CTPS1: variants seen among roughly 807,000 people sequenced by gnomAD.
CTPS1 encodes the protein CTP synthase 1, also known as CTP synthetase 1.
In CTPS1, 25 loss-of-function variants were observed where a neutral mutation model predicts 80.5. The ratio of observed to expected loss-of-function variants is 0.31; its 90% CI spans 0.23 to 0.43. The LOEUF is 0.43. Ranked by LOEUF, CTPS1 falls within the 20% of genes least tolerant of loss-of-function variation. CTPS1 has a pLI of 1.00. For synonymous variants in CTPS1, 267 were observed against 252.5 expected, an observed-to-expected ratio of 1.06 and a Z score of -0.54; for missense variants, 442 against 725.7, an observed-to-expected ratio of 0.61 and a Z score of 4.49.
rs981555227 is a variant in CTPS1 at position 41,007,713 on chromosome 1, A to G, written c.1393+168A>G. 6.6e-6 allele frequency among the ~76,000 whole-genome samples: 1 copy of G among 152,216 alleles called. No homozygotes were observed. The highest frequency in any genetic ancestry group is 6.5e-5 in the Admixed American group (1 of 15,276). On this transcript the variant is annotated intron_variant, in intron 14 of 18. Coordinates refer to ENST00000650070, the MANE Select transcript of CTPS1 (RefSeq NM_001905.4). The surrounding 1 kb of genome is among the most constrained non-coding windows in gnomAD (Gnocchi z 4.4). ...TCATACCCTTTTAGGATGCACTGTG[A>G]TAGCCATAGAAGCAGTGTGGGTCTT...
chr1:40,995,227 T>C (rs1642720607), intron 7 of CTPS1, among the ~76,000 whole-genome samples: 1 of 152,112 alleles, frequency 6.6e-6, no homozygotes, highest in Non-Finnish European at 1.5e-5. Flanking sequence ...TTATTATTAT[T>C]ATTATTTTTA....
chr1:40,991,725 T>C lies in CTPS1; in HGVS notation c.640-40T>C, dbSNP rs375310353. 4 of 1,452,580 alleles carry C rather than the reference T, an allele frequency of 2.8e-6. No homozygotes were observed. The African/African-American group carries it at 5.6e-5, about 20-fold the overall frequency. 90.0% of individuals were successfully genotyped at this position (1,452,580 alleles called of 1,614,324 possible). A position where few individuals can be genotyped will look rare whatever the true frequency, so the allele number is the denominator to read the frequency against. The stretch of plus-strand genomic sequence containing the variant: ...CAGGAGAAACCCCTACTTCTGTCAT[T>C]TTTTCCTTCTGTCTAAGCCATCTTG... On this transcript the variant is annotated intron_variant, in intron 6 of 18. Transcript: ENST00000650070.
intron 1 of CTPS1, chr1:40,980,839 C>T (rs1029964631): frequency 6.5e-6 from 1 of 153,034 alleles, no homozygotes; most frequent in African/African-American, 2.4e-5. Flanking sequence ...CTGTATATCC[C>T]TGCTTCCCCG....
chr1:40,981,409 A>G (rs905355487), intron 1 of CTPS1, among the ~76,000 whole-genome samples: 1 of 152,258 alleles, frequency 6.6e-6, no homozygotes, highest in African/African-American at 2.4e-5. Context: ...ATTGGATGAG[A>G]TGAATCTTTT....
chr1:41,011,251 G>T (rs1440646368), intron 18 of CTPS1, among the ~76,000 whole-genome samples: 2 of 152,178 alleles, frequency 1.3e-5, no homozygotes, highest in Non-Finnish European at 2.9e-5. Context: ...TAACACGGAT[G>T]GACTCATTAA....
chr1:41,009,680 C>A, intron 17 of CTPS1, 91 bp downstream of exon 17: 23 of 1,457,312 alleles, frequency 1.6e-5, no homozygotes, highest in Middle Eastern at 1.8e-4. Flanking sequence ...CACAGTCAGT[C>A]ATAAGAAAAA....
chr1:40,998,396 TAAAAAAAAA>T (rs56282224), intron 9 of CTPS1, among the ~76,000 whole-genome samples: 7 of 64,586 alleles, frequency 1.1e-4, no homozygotes, highest in African/African-American at 5.3e-4. Context: ...AGACTCTGTC[TAAAAAAAAA>T]AAAAAAAAAA....
In CTPS1 at chr1:40,982,046, G is replaced by C. The variant is rs926619099; in HGVS notation, c.-13-1232G>C. 3.1e-6 allele frequency: 4 copies of C among 1,278,254 alleles called. No homozygotes were observed. The African/African-American group carries it at 6.1e-5, about 20-fold the overall frequency. The allele number at this position is 1,278,254 out of a possible 1,614,324, so 79.2% of individuals were successfully genotyped here. A position where few individuals can be genotyped will look rare whatever the true frequency, so the allele number is the denominator to read the frequency against. ...TGTGTTTTTCATTTTGGTCACATTT[G>C]GGTTTGCTGACCAAATGGACGATCC... On this transcript the variant is annotated intron_variant, in intron 1 of 18. Coordinates refer to ENST00000650070, the MANE Select transcript of CTPS1 (RefSeq NM_001905.4).
intron 12 of CTPS1, 93 bp from the exon 13 acceptor site, chr1:41,005,958 C>T: frequency 2.0e-6 from 2 of 1,013,286 alleles, no homozygotes; most frequent in Non-Finnish European, 3.1e-6. Flanking sequence ...TGATCTTAAA[C>T]TGAGGAGGGA....
At chr1:40,988,764 A>G (rs1193285679) in intron 5 of CTPS1, 54 bp downstream of exon 5, 3 of 1,183,360 alleles carry the variant, frequency 2.5e-6, no homozygotes, top group South Asian at 1.2e-5. Context: ...GAGGGAGGAA[A>G]GGTAAACCGG....
intron 3 of CTPS1, among the ~76,000 whole-genome samples, chr1:40,986,543 C>A (rs548531488): frequency 1.3e-5 from 2 of 152,208 alleles, no homozygotes; most frequent in African/African-American, 4.8e-5. Flanking sequence ...ATCACTTTGA[C>A]GCCATGTGTG....
chr1:40,989,225 A>G (rs115491766), intron 5 of CTPS1, among the ~76,000 whole-genome samples: 25 of 152,288 alleles, frequency 1.6e-4, no homozygotes, highest in African/African-American at 6.0e-4. Flanking sequence ...TCTTTTTCCT[A>G]CAGTGCACAG....
intron 1 of CTPS1, chr1:40,981,989 G>T: frequency 3.1e-6 from 4 of 1,288,918 alleles, no homozygotes; most frequent in Non-Finnish European, 4.0e-6. Flanking sequence ...TCCTGACCAT[G>T]CCAAAGTAAG....
chr1:40,988,008 G>T (rs749302595), intron 4 of CTPS1, among the ~76,000 whole-genome samples: 2 of 152,084 alleles, frequency 1.3e-5, no homozygotes, highest in Non-Finnish European at 2.9e-5. Flanking sequence ...GACCTCCTGG[G>T]CTCAAGCAGT....
At chr1:41,006,191 TGA>T in intron 13 of CTPS1, 97 bp downstream of exon 13, 1 of 1,045,288 alleles carries the variant, frequency 9.6e-7, no homozygotes, top group Non-Finnish European at 1.5e-6. Flanking sequence ...TGAGACTGCT[TGA>T]GTCCATCCCA....
chr1:40,989,241 C>T (rs1027360708), intron 5 of CTPS1, among the ~76,000 whole-genome samples: 4 of 152,158 alleles, frequency 2.6e-5, no homozygotes, highest in Non-Finnish European at 5.9e-5. Flanking sequence ...CACAGTTGGG[C>T]GTTAGCCTCC....
At chr1:41,003,273 G>C in intron 12 of CTPS1, 97 bp downstream of exon 12, 1 of 1,338,770 alleles carries the variant, frequency 7.5e-7, no homozygotes, top group Non-Finnish European at 1.1e-6. Context: ...CTTTGGAGAA[G>C]GGCAGGCCTG....
intron 17 of CTPS1, 70 bp downstream of exon 17, chr1:41,009,659 C>G (rs1017792450): frequency 1.3e-6 from 2 of 1,563,076 alleles, no homozygotes; most frequent in African/African-American, 2.7e-5. Context: ...TGATTCATTA[C>G]AGCAACACGT....
At chr1:40,981,966 G>T (rs1362945163) in intron 1 of CTPS1, 1 of 1,287,790 alleles carries the variant, frequency 7.8e-7, no homozygotes, top group African/African-American at 1.5e-5. Flanking sequence ...GAACGTTCCT[G>T]AGGAGGAAAA....
Sources: allele counts gnomAD v4.1 joint callset (sites outside exome capture counted in the v4.1 genomes callset), GRCh38; gene constraint gnomAD v4.1.1; non-coding constraint Gnocchi (gnomAD v3.1); transcripts MANE v1.5; gene names NCBI Gene and HGNC (gene_info 2026-07-23, HGNC 2026-07-21).